AKAP7: variants seen among roughly 807,000 people sequenced by gnomAD.
The protein encoded by AKAP7 is A kinase (PRKA) anchor protein 7.
AKAP7 carries 39 observed loss-of-function variants against 39.5 expected under a neutral mutation model. The observed-to-expected ratio is 0.99, with a 90% CI of 0.76 to 1.29. The LOEUF (loss-of-function observed/expected upper bound fraction) is 1.29, where lower values mean the gene tolerates loss of function less well. Ranked by LOEUF, AKAP7 falls within the 50% of genes most tolerant of loss-of-function variation. The pLI is 0.00. For missense variants in AKAP7, 414 were observed against 407.7 expected (o/e 1.02, Z -0.13); for synonymous variants, 140 against 139.1 (o/e 1.01, Z -0.05).
At chr6:131,186,081 T>C (rs1805823420) in intron 5 of AKAP7, among the ~76,000 whole-genome samples, 1 of 152,228 alleles carries the variant, frequency 6.6e-6, no homozygotes, top group Non-Finnish European at 1.5e-5. Flanking sequence ...ACTGCTGATG[T>C]AGTTTGTATG....
chr6:131,235,872 T>C (rs1445281805), intron 7 of AKAP7, among the ~76,000 whole-genome samples: 1 of 152,238 alleles, frequency 6.6e-6, no homozygotes, highest in East Asian at 1.9e-4. Context: ...CTGTTCACAC[T>C]GATGGTAGTT....
intron 7 of AKAP7, among the ~76,000 whole-genome samples, chr6:131,242,448 T>C (rs1458637994): frequency 9.2e-5 from 14 of 151,784 alleles, no homozygotes; most frequent in African/African-American, 3.4e-4. Context: ...CATGACACTC[T>C]TTTTCAGTGA....
intron 7 of AKAP7, among the ~76,000 whole-genome samples, chr6:131,223,346 A>C (rs1271572288): frequency 2.0e-5 from 3 of 152,346 alleles, no homozygotes; most frequent in Non-Finnish European, 4.4e-5. Context: ...AAAGAATCTT[A>C]ATACTGACGT....
At chr6:131,195,496 A>G (rs568264771) in intron 5 of AKAP7, among the ~76,000 whole-genome samples, 11 of 152,262 alleles carry the variant, frequency 7.2e-5, no homozygotes, top group African/African-American at 2.6e-4. Flanking sequence ...ACAATAGTAC[A>G]TATTTTTCTT....
intron 7 of AKAP7, among the ~76,000 whole-genome samples, chr6:131,223,710 C>T (rs1809904742): frequency 6.6e-6 from 1 of 152,096 alleles, no homozygotes; most frequent in South Asian, 2.1e-4. Flanking sequence ...CTTACAAGGC[C>T]AACCTTATAA....
intron 5 of AKAP7, among the ~76,000 whole-genome samples, chr6:131,176,075 A>C (rs1191668255): frequency 6.6e-6 from 1 of 152,174 alleles, no homozygotes; most frequent in African/African-American, 2.4e-5. Context: ...TGGGTGAGAA[A>C]AAGATATTTC....
chr6:131,269,657 C>T (rs893345514), intron 7 of AKAP7, among the ~76,000 whole-genome samples: 20 of 152,202 alleles, frequency 1.3e-4, no homozygotes, highest in East Asian at 5.8e-4. Flanking sequence ...AGGGTGATCA[C>T]ATGTCAATCA....
intron 1 of AKAP7, chr6:131,137,895 C>A (rs1800703045): frequency 6.6e-6 from 1 of 152,132 alleles, no homozygotes; most frequent in Non-Finnish European, 1.5e-5. Context: ...TACTGTTTAG[C>A]CTTTGGCCAC....
At chr6:131,184,923 G>T in intron 5 of AKAP7, 1 of 860,510 alleles carries the variant, frequency 1.2e-6, no homozygotes, top group Non-Finnish European at 2.0e-6. Context: ...TATGGGCACT[G>T]CCACACCTTT....
At chr6:131,194,605 T>C (rs1342497706) in intron 5 of AKAP7, among the ~76,000 whole-genome samples, 1 of 152,128 alleles carries the variant, frequency 6.6e-6, no homozygotes, top group Non-Finnish European at 1.5e-5. Flanking sequence ...CTGGAAGGTA[T>C]GTCCAGTGCT....
chr6:131,185,713 G>A (rs1805778865), intron 5 of AKAP7, among the ~76,000 whole-genome samples: 1 of 152,168 alleles, frequency 6.6e-6, no homozygotes, highest in Admixed American at 6.5e-5. Flanking sequence ...TTTAAATTCT[G>A]AATGTTAATC....
chr6:131,197,292 T>C (rs1807035816), intron 5 of AKAP7, among the ~76,000 whole-genome samples: 1 of 152,194 alleles, frequency 6.6e-6, no homozygotes, highest in South Asian at 2.1e-4. Context: ...TTTCATAGAA[T>C]TTCGTATACT....
intron 5 of AKAP7, among the ~76,000 whole-genome samples, chr6:131,179,861 C>T (rs1447061039): frequency 6.7e-6 from 1 of 149,266 alleles, no homozygotes; most frequent in Non-Finnish European, 1.5e-5. Flanking sequence ...AGAAAAAGAC[C>T]CTGTCTCAAA....
At chr6:131,204,719 A>G (rs1807923657) in intron 6 of AKAP7, among the ~76,000 whole-genome samples, 1 of 152,198 alleles carries the variant, frequency 6.6e-6, no homozygotes, top group South Asian at 2.1e-4. Flanking sequence ...TAGGTGCCCC[A>G]TGACAATGCA....
At chr6:131,184,619 ACAC>A (rs1805633379) in intron 5 of AKAP7, 1 of 750,034 alleles carries the variant, frequency 1.3e-6, no homozygotes, top group African/African-American at 1.7e-5. Context: ...TCGAAACAGG[ACAC>A]CACCTCCTCA....
chr6:131,258,038 G>A (rs1270775296), intron 7 of AKAP7, among the ~76,000 whole-genome samples: 4 of 152,166 alleles, frequency 2.6e-5, no homozygotes, highest in African/African-American at 9.7e-5. Context: ...ATGTCCCAGT[G>A]TGTATTCCGA....
intron 3 of AKAP7, among the ~76,000 whole-genome samples, chr6:131,162,830 A>G (rs1803115799): frequency 2.0e-5 from 3 of 152,108 alleles, no homozygotes; most frequent in Non-Finnish European, 4.4e-5. Context: ...TAGGTCAACT[A>G]TCCCTTTCCT....
intron 5 of AKAP7, among the ~76,000 whole-genome samples, chr6:131,174,278 C>T (rs533037215): frequency 6.6e-6 from 1 of 152,306 alleles, no homozygotes; most frequent in East Asian, 1.9e-4. Context: ...ACTTTATTCA[C>T]TTACTGAAGC....
At chr6:131,179,598 G>A (rs999604126) in intron 5 of AKAP7, among the ~76,000 whole-genome samples, 3 of 151,912 alleles carry the variant, frequency 2.0e-5, no homozygotes, top group Admixed American at 6.6e-5. Context: ...CATAAAACGC[G>A]TTAAGGCTCA....
Sources: gnomAD v4.1 joint callset for allele counts (sites outside exome capture counted in the v4.1 genomes callset) on GRCh38, gnomAD v4.1.1 for gene constraint, MANE v1.5 for transcripts, NCBI Gene and HGNC (gene_info 2026-07-23, HGNC 2026-07-21) for gene names.